HMGN5: variants seen among roughly 807,000 people sequenced by gnomAD.
HMGN5 encodes the protein high mobility group nucleosome binding domain 5.
In HMGN5, 4 loss-of-function variants were observed where a neutral mutation model predicts 9.5. The ratio of observed to expected loss-of-function variants is 0.42; its 90% CI spans 0.21 to 0.96. HMGN5 has a LOEUF of 0.96. Among genes scored for constraint, HMGN5 ranks in the 40% least tolerant of loss-of-function variants. The probability of loss-of-function intolerance (pLI) is 0.30; values close to 1 mark genes in which losing one functional copy is unlikely to be tolerated. For synonymous variants in HMGN5, 55 were observed against 57.1 expected (o/e 0.96, Z 0.16); for missense variants, 192 against 187.5 (o/e 1.02, Z -0.14).
At chrX:81,135,496 A>G (rs1193168040) in intron 1 of HMGN5, among the ~76,000 whole-genome samples, 5 of 112,004 alleles carry the variant, frequency 4.5e-5, no homozygotes, top group African/African-American at 1.6e-4. Context: ...AGTACAACTG[A>G]ATATTTTTCA....
At chrX:81,147,699 T>C (rs1251104668) in intron 1 of HMGN5, among the ~76,000 whole-genome samples, 2 of 111,907 alleles carry the variant, frequency 1.8e-5, no homozygotes, top group East Asian at 5.6e-4. Context: ...ATTGTCTCTG[T>C]TTGCAGATGA....
intron 1 of HMGN5, among the ~76,000 whole-genome samples, chrX:81,144,589 T>C (rs1259204421): frequency 9.0e-6 from 1 of 111,278 alleles, no homozygotes; most frequent in Non-Finnish European, 1.9e-5. Flanking sequence ...AGAACACCTC[T>C]CCTCCTCCAA....
intron 5 of HMGN5, among the ~76,000 whole-genome samples, chrX:81,118,038 T>A (rs1320710435): frequency 9.1e-6 from 1 of 110,001 alleles, no homozygotes; most frequent in African/African-American, 3.3e-5. Context: ...ATATATAATC[T>A]TATATACTTT....
intron 1 of HMGN5, chrX:81,197,876 C>G (rs1457430050): frequency 1.8e-5 from 2 of 110,071 alleles, no homozygotes; most frequent in Admixed American, 1.9e-4. Flanking sequence ...AGTGCAATAG[C>G]AGTAGCCCTG....
intron 1 of HMGN5, chrX:81,195,429 A>G (rs1378890274): frequency 3.6e-5 from 4 of 111,084 alleles, no homozygotes; most frequent in Non-Finnish European, 7.5e-5. Flanking sequence ...GTGGGTAAGC[A>G]TCTCCCAGTC....
chrX:81,170,633 T>A (rs1192501861), intron 1 of HMGN5, among the ~76,000 whole-genome samples: 4 of 111,378 alleles, frequency 3.6e-5, no homozygotes, highest in Non-Finnish European at 7.5e-5. Flanking sequence ...TGAGGTATTA[T>A]CAACAAGATA....
At chrX:81,147,040 C>A (rs58219826) in intron 1 of HMGN5, among the ~76,000 whole-genome samples, 1 of 111,384 alleles carries the variant, frequency 9.0e-6, no homozygotes, top group Non-Finnish European at 1.9e-5. Flanking sequence ...CAGGACCAGA[C>A]GGACTCACAG....
At chrX:81,186,453 G>A (rs2075477763) in intron 1 of HMGN5, among the ~76,000 whole-genome samples, 2 of 111,836 alleles carry the variant, frequency 1.8e-5, no homozygotes, top group African/African-American at 3.2e-5. Context: ...CAATTGAAAT[G>A]TCACATATTT....
intron 1 of HMGN5, among the ~76,000 whole-genome samples, chrX:81,187,634 G>A (rs1330326828): frequency 9.0e-6 from 1 of 111,488 alleles, no homozygotes; most frequent in Non-Finnish European, 1.9e-5. Flanking sequence ...AGATAATTGG[G>A]TATTTTTTAA....
Position 81,120,314 on chromosome X carries a change from T to A in HMGN5, c.16-497A>T, listed in dbSNP as rs184457140. Among the ~76,000 whole-genome samples, 5 of 111,654 alleles carry A rather than the reference T, an allele frequency of 4.5e-5. No individual in the cohort carries two copies. The East Asian group carries it at 8.5e-4, about 19-fold the overall frequency. ...GTGTTTTCTTGGGGAGACCTCTTTGTTACAAAGTCAATGCTTTATTCTAAG... is the reference window on the plus strand; with the variant it reads ...GTGTTTTCTTGGGGAGACCTCTTTGATACAAAGTCAATGCTTTATTCTAAG... On this transcript the variant is annotated intron_variant, in intron 2 of 6. Coordinates refer to ENST00000358130, the MANE Select transcript of HMGN5 (RefSeq NM_030763.3).
chrX:81,153,581 CTCTATATATATATATATATATATA>C (rs1460220616), intron 1 of HMGN5, among the ~76,000 whole-genome samples: 1 of 9,626 alleles, frequency 1.0e-4, no homozygotes, highest in Non-Finnish European at 1.8e-4. Context: ...CTCTCTCTCT[CTCTATATATATATATATATATATA>C]TATATATATA....
intron 1 of HMGN5, among the ~76,000 whole-genome samples, chrX:81,132,092 T>G (rs948514149): frequency 3.6e-5 from 4 of 111,012 alleles, no homozygotes; most frequent in Non-Finnish European, 7.6e-5. Flanking sequence ...AGACCTGTCA[T>G]GAATAAACTT....
intron 1 of HMGN5, among the ~76,000 whole-genome samples, chrX:81,198,262 T>C (rs888166638): frequency 2.7e-5 from 3 of 111,384 alleles, no homozygotes; most frequent in Non-Finnish European, 3.8e-5. Context: ...TACGTTGTCT[T>C]CAGTAATATA....
chrX:81,168,984 A>T (rs944447989), intron 1 of HMGN5, among the ~76,000 whole-genome samples: 1 of 110,853 alleles, frequency 9.0e-6, no homozygotes, highest in Non-Finnish European at 1.9e-5. Context: ...TAAGTAAGGG[A>T]GTCTGCCTAC....
At position 81,129,388 on chromosome X, in the gene HMGN5, T is replaced by C. The variant is rs180718364; in HGVS notation, c.-123-7716A>G. ...GCATATCTTTAATTACGAGTGAAGC[T>C]GAACATTTTTTCATATGTTTGATGA... On this transcript the variant is annotated intron_variant, in intron 1 of 6. Transcript: ENST00000358130. Among the ~76,000 whole-genome samples, 370 of 111,902 alleles carry C rather than the reference T, an allele frequency of 3.3e-3. 3 individuals carry two copies. Among genetic ancestry groups the C allele is most frequent in the African/African-American group, 0.012 (358 of 30,906 alleles).
chrX:81,133,114 A>G (rs764527579), intron 1 of HMGN5, among the ~76,000 whole-genome samples: 4 of 111,522 alleles, frequency 3.6e-5, no homozygotes, highest in Non-Finnish European at 7.5e-5. Flanking sequence ...GCTCAACATC[A>G]CCTATCATTA....
intron 1 of HMGN5, among the ~76,000 whole-genome samples, chrX:81,168,231 G>C (rs1027387787): frequency 1.8e-5 from 2 of 111,744 alleles, no homozygotes; most frequent in Admixed American, 1.9e-4. Flanking sequence ...AGAGGTAGTG[G>C]ATACACAAAA....
chrX:81,144,933 A>C (rs1438519224), intron 1 of HMGN5, among the ~76,000 whole-genome samples: 1 of 111,726 alleles, frequency 9.0e-6, no homozygotes, highest in Non-Finnish European at 1.9e-5. Context: ...AATAAAGCAA[A>C]AAGACAAGAT....
intron 1 of HMGN5, among the ~76,000 whole-genome samples, chrX:81,167,659 T>A (rs1602575115): frequency 8.9e-6 from 1 of 112,443 alleles, no homozygotes; most frequent in African/African-American, 3.2e-5. Context: ...ATTCTTCTAG[T>A]GTGACTAAGA....
Sources: allele counts gnomAD v4.1 joint callset (sites outside exome capture counted in the v4.1 genomes callset), GRCh38; gene constraint gnomAD v4.1.1; transcripts MANE v1.5; gene names NCBI Gene and HGNC (gene_info 2026-07-23, HGNC 2026-07-21).